Variants in KCNIP4 observed in about 807,000 individuals in gnomAD.
KCNIP4 encodes the protein Kv channel-interacting protein 4.
A neutral mutation model predicts 34.0 loss-of-function variants in KCNIP4; 12 were observed. The ratio of observed to expected loss-of-function variants is 0.35; its 90% CI spans 0.23 to 0.57. The LOEUF (loss-of-function observed/expected upper bound fraction) is 0.57, where lower values mean the gene tolerates loss of function less well. KCNIP4 is among the 20% of genes least tolerant of loss of function. The pLI is 0.83. For missense variants in KCNIP4, 238 were observed against 311.7 expected (o/e 0.76, Z 1.78); for synonymous variants, 124 against 102.2 (o/e 1.21, Z -1.29).
chr4:21,600,279 C>T (rs1443910135), intron 1 of KCNIP4, among the ~76,000 whole-genome samples: 1 of 152,038 alleles, frequency 6.6e-6, no homozygotes, highest in Non-Finnish European at 1.5e-5. Flanking sequence ...CCAAAACTAC[C>T]TAAATTTGGA....
At chr4:21,929,883 G>A (rs1368170338) in intron 1 of KCNIP4, among the ~76,000 whole-genome samples, 4 of 152,108 alleles carry the variant, frequency 2.6e-5, no homozygotes, top group African/African-American at 7.2e-5. Context: ...GGCGTCCACA[G>A]TACTACTCTT....
chr4:21,877,720 T>A (rs1248138159), intron 1 of KCNIP4, among the ~76,000 whole-genome samples: 1 of 152,204 alleles, frequency 6.6e-6, no homozygotes. Flanking sequence ...AGATGACTAA[T>A]CTCCCTGCAG....
intron 1 of KCNIP4, among the ~76,000 whole-genome samples, chr4:21,703,227 A>G (rs908709152): frequency 2.6e-5 from 4 of 152,182 alleles, no homozygotes; most frequent in Non-Finnish European, 4.4e-5. Flanking sequence ...GTTATTCAAC[A>G]TAGTGTTGGA....
chr4:21,680,484 T>C (rs921965883), intron 1 of KCNIP4, among the ~76,000 whole-genome samples: 5 of 152,238 alleles, frequency 3.3e-5, no homozygotes, highest in Admixed American at 2.0e-4. Context: ...ATCATGAATG[T>C]TCTTAATGGC....
chr4:21,040,414 G>T (rs114608117), intron 1 of KCNIP4, among the ~76,000 whole-genome samples: 3,177 of 152,230 alleles, frequency 0.021, 64 homozygotes, highest in South Asian at 0.068. Context: ...CAAGGTTACA[G>T]CTGGCTATTT....
intron 1 of KCNIP4, among the ~76,000 whole-genome samples, chr4:21,335,593 G>T (rs1470167144): frequency 6.6e-6 from 1 of 151,968 alleles, no homozygotes; most frequent in Non-Finnish European, 1.5e-5. Flanking sequence ...GAGTTAAGTG[G>T]GCATAAAACA....
chr4:21,355,437 C>A (rs1302992133), intron 1 of KCNIP4, among the ~76,000 whole-genome samples: 1 of 151,974 alleles, frequency 6.6e-6, no homozygotes, highest in Admixed American at 6.6e-5. Flanking sequence ...AGAGAAGAAT[C>A]AAATAGACGC....
chr4:20,915,053 G>A (rs1377546431), intron 1 of KCNIP4, among the ~76,000 whole-genome samples: 2 of 152,148 alleles, frequency 1.3e-5, no homozygotes, highest in South Asian at 2.1e-4. Context: ...ATCATTGCTT[G>A]TGTTCCCTAT....
rs189676961 is a variant in KCNIP4, at chr4:21,280,450, C to A, written c.62-397741G>T. Among the ~76,000 whole-genome samples, 45 of 152,226 alleles carry A rather than the reference C, an allele frequency of 3.0e-4. No homozygotes were observed. In the Middle Eastern group the frequency reaches 0.014, roughly 46 times the overall value. On this transcript the variant is annotated intron_variant, in intron 1 of 8. Transcript: ENST00000382152. ...GAAAACAAGCACCTGTTATCTCTACCACTCTAATTTGCACCATCATTTCTA... is the reference window on the plus strand; with the variant it reads ...GAAAACAAGCACCTGTTATCTCTACAACTCTAATTTGCACCATCATTTCTA...
At chr4:21,218,182 ATTT>A in intron 1 of KCNIP4, among the ~76,000 whole-genome samples, 1 of 151,376 alleles carries the variant, frequency 6.6e-6, no homozygotes, top group Non-Finnish European at 1.5e-5. Flanking sequence ...TGCCTGGCTA[ATTT>A]TGTATTTTTA....
At chr4:20,773,966 C>T (rs1756140705) in intron 3 of KCNIP4, among the ~76,000 whole-genome samples, 1 of 152,172 alleles carries the variant, frequency 6.6e-6, no homozygotes, top group Admixed American at 6.5e-5. Flanking sequence ...TGAAAACCTT[C>T]TGAAATTGTT....
intron 1 of KCNIP4, among the ~76,000 whole-genome samples, chr4:21,396,307 G>A (rs1425745782): frequency 6.6e-6 from 1 of 151,870 alleles, no homozygotes; most frequent in Admixed American, 6.6e-5. Context: ...TGTAATCCCA[G>A]CACTTTGGGA....
At chr4:20,829,695 C>G (rs995395280) in intron 3 of KCNIP4, among the ~76,000 whole-genome samples, 2 of 152,176 alleles carry the variant, frequency 1.3e-5, no homozygotes, top group African/African-American at 4.8e-5. Flanking sequence ...TTGATAATCA[C>G]TAGCTTGAAC....
chr4:21,342,971 AT>A (rs912479468), intron 1 of KCNIP4, among the ~76,000 whole-genome samples: 4 of 150,554 alleles, frequency 2.7e-5, no homozygotes, highest in African/African-American at 4.9e-5. Flanking sequence ...AAAACTGTTC[AT>A]TTTTTTTTCT....
At chr4:21,085,014 A>C (rs1275246615) in intron 1 of KCNIP4, among the ~76,000 whole-genome samples, 1 of 152,024 alleles carries the variant, frequency 6.6e-6, no homozygotes, top group Non-Finnish European at 1.5e-5. Flanking sequence ...CATTAAATAC[A>C]CATATATTCT....
intron 1 of KCNIP4, among the ~76,000 whole-genome samples, chr4:21,030,008 A>G (rs1740873335): frequency 6.6e-6 from 1 of 152,230 alleles, no homozygotes; most frequent in African/African-American, 2.4e-5. Context: ...AAAATAGTTC[A>G]GTTGGAGACT....
intron 1 of KCNIP4, among the ~76,000 whole-genome samples, chr4:21,199,959 C>T (rs972414247): frequency 2.0e-5 from 3 of 151,958 alleles, no homozygotes; most frequent in Non-Finnish European, 4.4e-5. Context: ...CCAAACACTG[C>T]ATGCTCTCAC....
At chr4:21,248,743 A>G (rs1326312831) in intron 1 of KCNIP4, among the ~76,000 whole-genome samples, 1 of 152,208 alleles carries the variant, frequency 6.6e-6, no homozygotes, top group Non-Finnish European at 1.5e-5. Context: ...CCAGAGCAGT[A>G]TAAGGGCTTA....
intron 1 of KCNIP4, among the ~76,000 whole-genome samples, chr4:21,484,058 A>G (rs1318586907): frequency 6.6e-6 from 1 of 151,858 alleles, no homozygotes; most frequent in Non-Finnish European, 1.5e-5. Context: ...TAGCAGCGTG[A>G]TAATGGACTA....
Sources: allele counts gnomAD v4.1 joint callset (sites outside exome capture counted in the v4.1 genomes callset), GRCh38; gene constraint gnomAD v4.1.1; transcripts MANE v1.5; gene names NCBI Gene and HGNC (gene_info 2026-07-23, HGNC 2026-07-21).